The following CDH17 variants were observed in gnomAD, a reference collection of about 807,000 sequenced individuals.
The protein encoded by CDH17 is cadherin-17.
Under a neutral mutation model 86.3 loss-of-function variants are expected in CDH17, and 67 were observed. That is an observed-to-expected ratio of 0.78 (90% CI 0.64 to 0.95). The LOEUF (loss-of-function observed/expected upper bound fraction) is 0.95, where lower values mean the gene tolerates loss of function less well. Among genes scored for constraint, CDH17 ranks in the 40% least tolerant of loss-of-function variants. The pLI is 0.00. For synonymous variants in CDH17, 367 were observed against 366.4 expected, an observed-to-expected ratio of 1.00 and a Z score of -0.02; for missense variants, 993 against 1,017.6, an observed-to-expected ratio of 0.98 and a Z score of 0.33.
intron 15 of CDH17, among the ~76,000 whole-genome samples, 186 bp from the exon 16 acceptor site, chr8:94,131,178 CT>C (rs1322284133): frequency 2.0e-5 from 3 of 152,160 alleles, no homozygotes; most frequent in African/African-American, 7.2e-5. Context: ...CTAAAGCATC[CT>C]TTAAGTTCTT....
intron 10 of CDH17, among the ~76,000 whole-genome samples, chr8:94,162,451 G>A (rs1038904796): frequency 2.0e-5 from 3 of 152,218 alleles, no homozygotes; most frequent in Non-Finnish European, 2.9e-5. Flanking sequence ...TTGTTCCTGA[G>A]CAGGATGGCT....
chr8:94,215,610 T>C (rs1814181730), intron 1 of CDH17, among the ~76,000 whole-genome samples: 1 of 152,214 alleles, frequency 6.6e-6, no homozygotes, highest in Non-Finnish European at 1.5e-5. Context: ...TAAAAACTAC[T>C]GAATTGTGCA....
intron 4 of CDH17, 132 bp downstream of exon 4, chr8:94,177,455 C>T (rs1813396313): frequency 2.2e-6 from 2 of 909,520 alleles, no homozygotes; most frequent in African/African-American, 1.7e-5. Flanking sequence ...GTGAGGATTG[C>T]AAAGCGTCCC....
chr8:94,142,202 T>G (rs1402350780), intron 15 of CDH17, among the ~76,000 whole-genome samples: 1 of 152,222 alleles, frequency 6.6e-6, no homozygotes, highest in Admixed American at 6.5e-5. Context: ...CTCAGCGATA[T>G]GGGTTTGGTT....
At chr8:94,168,137 TA>T in intron 9 of CDH17, among the ~76,000 whole-genome samples, 2 of 110,080 alleles carry the variant, frequency 1.8e-5, no homozygotes, top group Non-Finnish European at 3.6e-5. Flanking sequence ...TATATATATA[TA>T]TATATATATA....
chr8:94,197,844 A>G (rs28560269), intron 1 of CDH17, among the ~76,000 whole-genome samples: 25,651 of 149,910 alleles, frequency 0.17, 2,498 homozygotes, highest in Non-Finnish European at 0.21. Context: ...AAAAAAAAAA[A>G]AAAAGAAAAA....
At chr8:94,180,071 C>T (rs1813449461) in intron 3 of CDH17, among the ~76,000 whole-genome samples, 1 of 151,694 alleles carries the variant, frequency 6.6e-6, no homozygotes, top group African/African-American at 2.4e-5. Flanking sequence ...AAAACAATGC[C>T]TCATCAGATA....
intron 1 of CDH17, among the ~76,000 whole-genome samples, chr8:94,213,871 C>T (rs1272736966): frequency 6.6e-6 from 1 of 152,164 alleles, no homozygotes; most frequent in Non-Finnish European, 1.5e-5. Context: ...TTCCTTCCAC[C>T]TCTTGAGCTA....
intron 2 of CDH17, 61 bp from the exon 3 acceptor site, chr8:94,189,346 T>C (rs1813642403): frequency 2.5e-6 from 3 of 1,182,230 alleles, no homozygotes; most frequent in Non-Finnish European, 3.7e-6. Flanking sequence ...ACTCATTGAT[T>C]TTATTAGGGC....
At position 94,172,012 on chromosome 8, in the gene CDH17, C is replaced by T. The variant is rs1198662244; in HGVS notation, c.784-1027G>A. 3.1e-5 allele frequency among the ~76,000 whole-genome samples: 4 copies of T among 129,676 alleles called. 1 individual carries two copies. The highest frequency in any genetic ancestry group is 4.2e-3 in the Middle Eastern group (1 of 240). The allele number at this position is 129,676 out of a possible 152,430, so 85.1% of individuals were successfully genotyped here. A position where few individuals can be genotyped will look rare whatever the true frequency, so the allele number is the denominator to read the frequency against. On this transcript the variant is annotated intron_variant, in intron 7 of 17. Transcript: ENST00000027335. ...CTCCCCCTCCTCCCCCTCCTCCCTC[C>T]CCTTCTCCCGCTCCTCCTTCCCCCT...
At chr8:94,165,637 A>G in intron 10 of CDH17, 124 bp downstream of exon 10, 1 of 718,426 alleles carries the variant, frequency 1.4e-6, no homozygotes, top group South Asian at 1.7e-5. Context: ...TGTGTTTCAC[A>G]AAGGAAGCAA....
rs911539572 is a variant in CDH17 at position 94,127,341 on chromosome 8, G to A, written c.*899C>T. On this transcript the variant is annotated 3_prime_UTR_variant, in exon 18 of 18. Coordinates refer to ENST00000027335, the MANE Select transcript of CDH17 (RefSeq NM_004063.4). ...AGTGAGGAAATCTGGCCAGCTGACT[G>A]GTTCCTTTACCAAGGTTTGCAGAGT... The A allele has an allele frequency of 6.6e-6, 1 of 152,236 alleles. No homozygotes were observed. The highest frequency in any genetic ancestry group is 2.4e-5 in the African/African-American group (1 of 41,460). The allele number at this position is 152,236 out of a possible 1,614,324, so 9.4% of individuals were successfully genotyped here. A position where few individuals can be genotyped will look rare whatever the true frequency, so the allele number is the denominator to read the frequency against.
Position 94,170,402 on chromosome 8 carries a change from C to T in CDH17, c.1061G>A (p.Arg354Gln), listed in dbSNP as rs141802449. The T allele has an allele frequency of 9.2e-5, 148 of 1,613,456 alleles. No homozygotes were observed. The Middle Eastern group carries it at 1.7e-3, about 18-fold the overall frequency. Reference sequence around the variant, plus strand: ...AGGCAGCTCTCATTTCTTACCCAGTCGTTCATTCTCCTGGACCTCAAATAC... The same window carrying T: ...AGGCAGCTCTCATTTCTTACCCAGTTGTTCATTCTCCTGGACCTCAAATAC... Reference protein sequence around the residue: ...VTVFEVQENERLGNSIGTLTA... With the variant: ...VTVFEVQENEQLGNSIGTLTA... Residue 354 changes from arginine to glutamine, a missense_variant, in exon 9 of 18, where the codon CGA (arginine) becomes CAA (glutamine). Physicochemically the swap from Arg to Gln is conservative, Grantham distance 43 (BLOSUM62 1). Transcript: ENST00000027335.
intron 10 of CDH17, among the ~76,000 whole-genome samples, chr8:94,164,432 G>A (rs1813116052): frequency 6.6e-6 from 1 of 152,208 alleles, no homozygotes; most frequent in Non-Finnish European, 1.5e-5. Context: ...CAGAATAACT[G>A]CTGAAAGAAT....
chr8:94,149,090 T>C (rs866122645), intron 13 of CDH17, among the ~76,000 whole-genome samples: 1 of 152,222 alleles, frequency 6.6e-6, no homozygotes, highest in Non-Finnish European at 1.5e-5. Context: ...ATGCTTTATT[T>C]GCATTTCATC....
chr8:94,206,498 A>G (rs952332612), intron 1 of CDH17, among the ~76,000 whole-genome samples: 1 of 152,226 alleles, frequency 6.6e-6, no homozygotes, highest in African/African-American at 2.4e-5. Context: ...AGCAAGGAGC[A>G]TGACAATGCC....
chr8:94,201,188 G>C (rs1169666836), intron 1 of CDH17, among the ~76,000 whole-genome samples: 1 of 152,060 alleles, frequency 6.6e-6, no homozygotes, highest in Non-Finnish European at 1.5e-5. Flanking sequence ...CCTTGGTCTG[G>C]GAAGTTTTGT....
intron 4 of CDH17, 50 bp from the exon 5 acceptor site, chr8:94,176,729 A>T: frequency 6.4e-7 from 1 of 1,558,486 alleles, no homozygotes; most frequent in East Asian, 2.3e-5. Context: ...ACTTCATGTC[A>T]CATGCCCAAA....
chr8:94,130,845 T>TA (rs776554687), intron 16 of CDH17, 31 bp downstream of exon 16: 1 of 1,516,878 alleles, frequency 6.6e-7, no homozygotes, highest in Admixed American at 1.7e-5. Flanking sequence ...TGACAGATAC[T>TA]AGCCTGAGTT....
Sources: gnomAD v4.1 joint callset for allele counts (sites outside exome capture counted in the v4.1 genomes callset) on GRCh38, gnomAD v4.1.1 for gene constraint, MANE v1.5 for transcripts, NCBI Gene and HGNC (gene_info 2026-07-23, HGNC 2026-07-21) for gene names.